Variants in DNAJB14 observed in about 807,000 individuals in gnomAD.
The protein encoded by DNAJB14 is DnaJ heat shock protein family (Hsp40) member B14.
DNAJB14 carries 22 observed loss-of-function variants against 48.4 expected under a neutral mutation model. The observed-to-expected ratio is 0.45, with a 90% CI of 0.32 to 0.65. The LOEUF is 0.65. Ranked by LOEUF, DNAJB14 falls within the 30% of genes least tolerant of loss-of-function variation. The pLI, the probability that DNAJB14 is intolerant of heterozygous loss-of-function variation, is 0.03. For missense variants in DNAJB14, 319 were observed against 458.8 expected, an observed-to-expected ratio of 0.70 and a Z score of 2.78; for synonymous variants, 142 against 158.7, an observed-to-expected ratio of 0.89 and a Z score of 0.79.
chr4:99,938,944 C>T (rs1726790240), intron 1 of DNAJB14, among the ~76,000 whole-genome samples: 1 of 151,940 alleles, frequency 6.6e-6, no homozygotes, highest in African/African-American at 2.4e-5. Flanking sequence ...GATACCACTG[C>T]ATAACCATAA....
At chr4:99,907,898 C>T (rs1725523204) in intron 4 of DNAJB14, among the ~76,000 whole-genome samples, 1 of 152,156 alleles carries the variant, frequency 6.6e-6, no homozygotes, top group African/African-American at 2.4e-5. Context: ...TAACAACTCA[C>T]AGTACAGTAA....
chr4:99,906,388 C>T (rs926593914), intron 5 of DNAJB14, 129 bp downstream of exon 5: 15 of 1,010,878 alleles, frequency 1.5e-5, no homozygotes, highest in Non-Finnish European at 2.0e-5. Flanking sequence ...ATTTTCTAGT[C>T]TCTACCAAAC....
At chr4:99,903,927 T>C in intron 6 of DNAJB14, 29 bp from the exon 7 acceptor site, 1 of 1,594,788 alleles carries the variant, frequency 6.3e-7, no homozygotes, top group Non-Finnish European at 8.5e-7. Context: ...ATTATTTTAA[T>C]TAAAATTGGA....
chr4:99,901,261 A>G (rs1725286608), intron 7 of DNAJB14, 109 bp from the exon 8 acceptor site: 1 of 1,006,784 alleles, frequency 9.9e-7, no homozygotes, highest in Non-Finnish European at 1.4e-6. Flanking sequence ...TGATTAACTG[A>G]CTTAAAAAAA....
chr4:99,902,249 T>TGG (rs140994088), intron 7 of DNAJB14, among the ~76,000 whole-genome samples: 1 of 151,988 alleles, frequency 6.6e-6, no homozygotes, highest in Non-Finnish European at 1.5e-5. Flanking sequence ...TTTTTTGTTG[T>TGG]GGGGGGTCTG....
chr4:99,932,330 G>A (rs539706615), intron 1 of DNAJB14, among the ~76,000 whole-genome samples: 51 of 151,664 alleles, frequency 3.4e-4, no homozygotes, highest in African/African-American at 5.3e-4. Context: ...CAAAAACACC[G>A]GTTAAAAAAA....
At chr4:99,928,412 C>G (rs772175807) in intron 2 of DNAJB14, 48 of 230,708 alleles carry the variant, frequency 2.1e-4, no homozygotes, top group Non-Finnish European at 2.9e-4. Flanking sequence ...TCAGCATCAT[C>G]TTTCATTCTT....
intron 2 of DNAJB14, chr4:99,930,111 C>T (rs950047889): frequency 1.8e-5 from 3 of 165,790 alleles, no homozygotes; most frequent in African/African-American, 7.1e-5. Flanking sequence ...TCATGAAATT[C>T]TCCCATTTTC....
rs1290932111 is a variant in DNAJB14, at chr4:99,934,882, T to TA, written c.134-4262dup. 5.4e-5 allele frequency among the ~76,000 whole-genome samples: 8 copies of TA among 149,218 alleles called. No individual in the cohort carries two copies. The East Asian group carries it at 1.6e-3, about 29-fold the overall frequency. On this transcript the variant is annotated intron_variant, in intron 1 of 7. Transcript: ENST00000442697. ...AAACTCAATAAAAAATAAGACATTT[T>TA]AAAAAATCAATTAAAAAAAGACTAA...
At chr4:99,929,638 A>G (rs1462943399) in intron 2 of DNAJB14, 1 of 152,216 alleles carries the variant, frequency 6.6e-6, no homozygotes, top group South Asian at 2.1e-4. Flanking sequence ...AAATAAAATT[A>G]AAAGAGAAAC....
chr4:99,918,229 T>C (rs567448838), intron 3 of DNAJB14, among the ~76,000 whole-genome samples: 3 of 152,234 alleles, frequency 2.0e-5, no homozygotes, highest in Non-Finnish European at 4.4e-5. Flanking sequence ...ACCAATTATT[T>C]CCTCTATCTG....
chr4:99,934,166 G>A (rs775294320), intron 1 of DNAJB14, among the ~76,000 whole-genome samples: 14 of 151,982 alleles, frequency 9.2e-5, no homozygotes, highest in Non-Finnish European at 1.9e-4. Context: ...CAAAAAAAAT[G>A]AAAAGAGAAA....
At chr4:99,936,093 G>T (rs1726664887) in intron 1 of DNAJB14, among the ~76,000 whole-genome samples, 1 of 152,078 alleles carries the variant, frequency 6.6e-6, no homozygotes, top group African/African-American at 2.4e-5. Flanking sequence ...AATAGAGACA[G>T]TCACAACCAA....
At chr4:99,931,665 C>T (rs1249087287) in intron 1 of DNAJB14, among the ~76,000 whole-genome samples, 3 of 151,910 alleles carry the variant, frequency 2.0e-5, no homozygotes, top group Admixed American at 6.6e-5. Flanking sequence ...GTGAATATCT[C>T]TTTCTCACAG....
In DNAJB14 at chr4:99,900,028, G is replaced by T. The variant is rs1161254533; in HGVS notation, c.*1000C>A. On this transcript the variant is annotated 3_prime_UTR_variant, in exon 8 of 8. Coordinates refer to ENST00000442697, the MANE Select transcript of DNAJB14 (RefSeq NM_001031723.4). ...TACTGTAATCTACTTATATGTTTAG[G>T]AGTTGGCATAGGGTTAAAAGGCACA... 2.0e-5 allele frequency: 3 copies of T among 152,282 alleles called. No individual in the cohort carries two copies. Among genetic ancestry groups the T allele is most frequent in the Non-Finnish European group, 4.4e-5 (3 of 67,840 alleles). 9.4% of individuals were successfully genotyped at this position (152,282 alleles called of 1,614,324 possible).
In DNAJB14 at chr4:99,898,267, TTTCTC is replaced by T. The variant is rs1199032982; in HGVS notation, c.*2756_*2760del. 1 of 151,970 alleles carries T rather than the reference TTTCTC, an allele frequency of 6.6e-6. No individual in the cohort carries two copies. The highest frequency in any genetic ancestry group is 1.5e-5 in the Non-Finnish European group (1 of 67,850). The allele number at this position is 151,970 out of a possible 1,614,324, so 9.4% of individuals were successfully genotyped here. A position where few individuals can be genotyped will look rare whatever the true frequency, so the allele number is the denominator to read the frequency against. On this transcript the variant is annotated 3_prime_UTR_variant, in exon 8 of 8. Coordinates refer to ENST00000442697, the MANE Select transcript of DNAJB14 (RefSeq NM_001031723.4). ...ATATATATGCCTTAAGGACTGTACT[TTTCTC>T]TACCAAATCTTTGTAAATCATAAAC...
At chr4:99,935,494 A>G (rs2110220158) in intron 1 of DNAJB14, among the ~76,000 whole-genome samples, 1 of 152,336 alleles carries the variant, frequency 6.6e-6, no homozygotes, top group South Asian at 2.1e-4. Context: ...AAATAATTAC[A>G]TATATGCTGA....
chr4:99,906,568 T>C lies in DNAJB14; in HGVS notation c.681A>G (p.Gln227=). 1 of 1,611,654 alleles carries C rather than the reference T, an allele frequency of 6.2e-7. No individual in the cohort carries two copies. The highest frequency in any genetic ancestry group is 1.3e-5 in the African/African-American group (1 of 74,958). ...SFSNGRAGYS[Q]QHQHRHSGHE... is the part of the protein sequence containing the mutation. The stretch of plus-strand genomic sequence containing the variant: ...GTCCACTATGTCGATGCTGATGTTG[T>C]TGGCTATAACCAGCTCTTCCATTTG... Residue 227 remains glutamine (Q), a synonymous_variant, in exon 5 of 8, where the codon CAA becomes CAG. Transcript: ENST00000442697.
At chr4:99,939,502 A>T (rs1726814947) in intron 1 of DNAJB14, among the ~76,000 whole-genome samples, 1 of 152,258 alleles carries the variant, frequency 6.6e-6, no homozygotes, top group South Asian at 2.1e-4. Context: ...GTTCCTCTGG[A>T]CATTTTCCAT....
Sources: allele counts gnomAD v4.1 joint callset (sites outside exome capture counted in the v4.1 genomes callset), GRCh38; gene constraint gnomAD v4.1.1; transcripts MANE v1.5; gene names NCBI Gene and HGNC (gene_info 2026-07-23, HGNC 2026-07-21).